The following ZFPM2 variants were observed in gnomAD, a reference collection of about 807,000 sequenced individuals.
The protein encoded by ZFPM2 is zinc finger protein, FOG family member 2, also known as zinc finger protein ZFPM2.
A neutral mutation model predicts 98.6 loss-of-function variants in ZFPM2; 20 were observed. That is an observed-to-expected ratio of 0.20 (90% confidence interval 0.14 to 0.29). ZFPM2 has a LOEUF of 0.29. ZFPM2 is among the 10% of genes least tolerant of loss of function. The pLI, the probability that ZFPM2 is intolerant of heterozygous loss-of-function variation, is 1.00. For missense variants in ZFPM2, 1,310 were observed against 1,388.6 expected (o/e 0.94, Z 0.90); for synonymous variants, 518 against 502.7 (o/e 1.03, Z -0.41).
rs1811739887 is a variant in ZFPM2, at chr8:105,419,069, A to G, written c.41-75A>G. On this transcript the variant is annotated intron_variant, in intron 1 of 7. Transcript: ENST00000407775. ...TTTTTCTCACCACTGTAACAAAAAAAGGCTCTATTTAAGGATTTTATTTCA... is the reference window on the plus strand; with the variant it reads ...TTTTTCTCACCACTGTAACAAAAAAGGGCTCTATTTAAGGATTTTATTTCA... 2.8e-6 allele frequency: 4 copies of G among 1,416,986 alleles called. No homozygotes were observed. The South Asian group carries it at 3.9e-5, about 14-fold the overall frequency. 87.8% of individuals were successfully genotyped at this position (1,416,986 alleles called of 1,614,324 possible).
chr8:105,650,355 G>A (rs992099278), intron 5 of ZFPM2, among the ~76,000 whole-genome samples: 2 of 151,994 alleles, frequency 1.3e-5, no homozygotes, highest in African/African-American at 4.8e-5. Flanking sequence ...TTTTTGAAGG[G>A]TTTTTCGTGT....
intron 5 of ZFPM2, among the ~76,000 whole-genome samples, chr8:105,751,598 T>C (rs1812477650): frequency 6.6e-6 from 1 of 152,118 alleles, no homozygotes; most frequent in South Asian, 2.1e-4. Context: ...TCATCTTATT[T>C]ACTGCAAAAT....
intron 3 of ZFPM2, among the ~76,000 whole-genome samples, chr8:105,491,102 A>G (rs1813348223): frequency 6.6e-6 from 1 of 152,094 alleles, no homozygotes; most frequent in African/African-American, 2.4e-5. Context: ...TTTGGATGGC[A>G]TGTATATTTA....
chr8:105,677,252 T>A, intron 5 of ZFPM2, among the ~76,000 whole-genome samples: 1 of 152,052 alleles, frequency 6.6e-6, no homozygotes, highest in East Asian at 1.9e-4. Flanking sequence ...AATGGCTAAT[T>A]CTTAACACTG....
intron 1 of ZFPM2, among the ~76,000 whole-genome samples, chr8:105,412,427 A>G (rs906192767): frequency 3.1e-4 from 47 of 151,994 alleles, no homozygotes; most frequent in African/African-American, 1.1e-3. Context: ...GCTATGAGCA[A>G]AAGCCCAAAA....
intron 5 of ZFPM2, among the ~76,000 whole-genome samples, chr8:105,640,087 G>T (rs1247400426): frequency 6.6e-6 from 1 of 151,886 alleles, no homozygotes; most frequent in Non-Finnish European, 1.5e-5. Flanking sequence ...ACAAATTCAT[G>T]ATATCGAAAC....
intron 5 of ZFPM2, among the ~76,000 whole-genome samples, chr8:105,644,516 C>T (rs140697740): frequency 1.6e-4 from 24 of 151,674 alleles, no homozygotes; most frequent in Admixed American, 9.2e-4. Flanking sequence ...TTCTGTTTTT[C>T]TCTCTCTCTC....
At chr8:105,435,480 G>A (rs1812101536) in intron 2 of ZFPM2, among the ~76,000 whole-genome samples, 1 of 152,130 alleles carries the variant, frequency 6.6e-6, no homozygotes, top group South Asian at 2.1e-4. Flanking sequence ...TGAGTTCCTA[G>A]CTCTTTCTGT....
At position 105,560,784 on chromosome 8, in the gene ZFPM2, A is replaced by AT. The variant is rs549072752; in HGVS notation, c.302-572dup. 1.1e-3 allele frequency among the ~76,000 whole-genome samples: 167 copies of AT among 152,264 alleles called. 3 individuals carry two copies. Among genetic ancestry groups the AT allele is most frequent in the Admixed American group, 6.9e-3 (105 of 15,272 alleles). On this transcript the variant is annotated intron_variant, in intron 3 of 7. Coordinates refer to ENST00000407775, the MANE Select transcript of ZFPM2 (RefSeq NM_012082.4). ...TTCCAAAGCTGGTTATTTCTAAAGT[A>AT]TTTTTTTGGTACAATAGAGTTCTAT...
intron 2 of ZFPM2, among the ~76,000 whole-genome samples, chr8:105,426,628 T>A (rs1440129794): frequency 2.0e-5 from 3 of 152,144 alleles, no homozygotes; most frequent in Non-Finnish European, 4.4e-5. Context: ...TGAGAAGTAA[T>A]ACTTTTTAGA....
intron 1 of ZFPM2, among the ~76,000 whole-genome samples, chr8:105,325,513 G>A (rs898241685): frequency 6.6e-6 from 1 of 151,646 alleles, no homozygotes; most frequent in Non-Finnish European, 1.5e-5. Flanking sequence ...GGTTCTATTT[G>A]TTGTTACATC....
Position 105,802,784 on chromosome 8 carries a change from A to G in ZFPM2, c.2702A>G (p.Glu901Gly), listed in dbSNP as rs372634930. ...AAAGTGTTTCCGAATCCAGAAAGCG[A>G]ACGAAACAGCCCTGATGTCAGCTAC... is the stretch of plus-strand genomic sequence containing the variant. ...DGKVFPNPESERNSPDVSYER... is the reference protein window; with the variant it reads ...DGKVFPNPESGRNSPDVSYER... Residue 901 changes from glutamate (E) to glycine (G), a missense_variant, in exon 8 of 8, where the codon GAA (glutamate) becomes GGA (glycine). Transcript: ENST00000407775. 1.9e-6 allele frequency: 3 copies of G among 1,613,592 alleles called. No homozygotes were observed. The African/African-American group carries it at 4.0e-5, about 22-fold the overall frequency.
rs113239011 is a variant in ZFPM2 at position 105,594,025 on chromosome 8, A to T, written c.420+32544A>T. 5.6e-3 allele frequency among the ~76,000 whole-genome samples: 860 copies of T among 152,244 alleles called. 9 individuals are homozygous for T. The highest frequency in any genetic ancestry group is 0.019 in the African/African-American group (809 of 41,572). On this transcript the variant is annotated intron_variant, in intron 4 of 7. Transcript: ENST00000407775. ...GCTTCTAGGTATTAAAACCGCTCTC[A>T]TATTTCACTGAGTATTCTCCAGGGG...
intron 5 of ZFPM2, among the ~76,000 whole-genome samples, chr8:105,691,749 T>G: frequency 6.6e-6 from 1 of 152,228 alleles, no homozygotes. Flanking sequence ...GGGTAGTGAT[T>G]TGAGTTACTT....
intron 3 of ZFPM2, among the ~76,000 whole-genome samples, chr8:105,450,907 T>TA (rs1275457415): frequency 6.6e-6 from 1 of 151,776 alleles, no homozygotes; most frequent in African/African-American, 2.4e-5. Flanking sequence ...ATGAACACAG[T>TA]AAAAAAGTTC....
At chr8:105,662,012 G>A (rs1203655307) in intron 5 of ZFPM2, among the ~76,000 whole-genome samples, 3 of 152,140 alleles carry the variant, frequency 2.0e-5, no homozygotes, top group Non-Finnish European at 2.9e-5. Context: ...TGATACATCC[G>A]TGGATAAAAC....
chr8:105,748,501 TAAG>T (rs946686483), intron 5 of ZFPM2, among the ~76,000 whole-genome samples: 9 of 152,042 alleles, frequency 5.9e-5, no homozygotes, highest in Non-Finnish European at 1.3e-4. Flanking sequence ...TTAAGTGCCG[TAAG>T]AAGAATAGGA....
At chr8:105,441,494 G>GAAAAGAA (rs1262149483) in intron 2 of ZFPM2, among the ~76,000 whole-genome samples, 4 of 86,606 alleles carry the variant, frequency 4.6e-5, no homozygotes, top group African/African-American at 1.3e-4. Context: ...AAGAAAGAAA[G>GAAAAGAA]AAAGAAATCA....
intron 1 of ZFPM2, among the ~76,000 whole-genome samples, chr8:105,321,077 A>G (rs1812015691): frequency 6.6e-6 from 1 of 152,204 alleles, no homozygotes; most frequent in Non-Finnish European, 1.5e-5. Flanking sequence ...GTGAAAAATT[A>G]AAGGTCTTTG....
Sources: allele counts gnomAD v4.1 joint callset (sites outside exome capture counted in the v4.1 genomes callset), GRCh38; gene constraint gnomAD v4.1.1; transcripts MANE v1.5; gene names NCBI Gene and HGNC (gene_info 2026-07-23, HGNC 2026-07-21).